INTS1: variants seen among roughly 807,000 people sequenced by gnomAD.
INTS1 encodes integrator complex subunit 1.
In INTS1, 137 loss-of-function variants were observed where a neutral mutation model predicts 241.6. The ratio of observed to expected loss-of-function variants is 0.57; its 90% CI spans 0.49 to 0.65. The LOEUF (loss-of-function observed/expected upper bound fraction) is 0.65, where lower values mean the gene tolerates loss of function less well. Among genes scored for constraint, INTS1 ranks in the 30% least tolerant of loss-of-function variants. The pLI is 0.00. For missense variants in INTS1, 3,073 were observed against 3,032.2 expected (o/e 1.01, Z -0.32); for synonymous variants, 1,692 against 1,337.8 (o/e 1.26, Z -5.78).
At chr7:1,489,011 C>T (rs1018288596) in intron 18 of INTS1, among the ~76,000 whole-genome samples, 9 of 152,148 alleles carry the variant, frequency 5.9e-5, no homozygotes, top group African/African-American at 1.9e-4. Context: ...GATTCTCTTG[C>T]CACGTCCTCC....
intron 38 of INTS1, 72 bp downstream of exon 38, chr7:1,476,157 A>G (rs1260418033): frequency 6.6e-7 from 1 of 1,526,224 alleles, no homozygotes; most frequent in Non-Finnish European, 8.8e-7. Flanking sequence ...ATGGGAACCC[A>G]CCCAGGGCTG....
chr7:1,486,979 A>AGCAGCATCGTCC lies in INTS1; in HGVS notation c.2757_2768dup (p.Asp920_Ala923dup). On this transcript the variant is annotated inframe_insertion, in exon 21 of 48. Coordinates refer to ENST00000404767, the MANE Select transcript of INTS1 (RefSeq NM_001080453.3). ...CGCCCTCGTCGTCCTCCTCCCCGGA[A>AGCAGCATCGTCC]GCAGCATCGTCCACAGCATCGTGCA... The AGCAGCATCGTCC allele has an allele frequency of 6.2e-7, 1 of 1,608,474 alleles. No individual in the cohort carries two copies. Among genetic ancestry groups the AGCAGCATCGTCC allele is most frequent in the Non-Finnish European group, 8.5e-7 (1 of 1,179,342 alleles).
intron 18 of INTS1, 101 bp from the exon 19 acceptor site, chr7:1,488,058 T>G (rs1782362428): frequency 8.5e-7 from 1 of 1,169,946 alleles, no homozygotes; most frequent in Non-Finnish European, 1.3e-6. Flanking sequence ...CTACGGCTGC[T>G]GCTGCCTCTG....
rs755416095 is a variant in INTS1, at chr7:1,480,946, G to C, written c.3851-13C>G. ...TGGGCCATGTAATCTGCAAACCGTAGCAGGGTCACACCTGGGCGCGGCCAG... is the reference window on the plus strand; with the variant it reads ...TGGGCCATGTAATCTGCAAACCGTACCAGGGTCACACCTGGGCGCGGCCAG... On this transcript the variant is annotated splice_polypyrimidine_tract_variant and intron_variant, in intron 28 of 47. Coordinates refer to ENST00000404767, the MANE Select transcript of INTS1 (RefSeq NM_001080453.3). 1.9e-6 allele frequency: 3 copies of C among 1,577,172 alleles called. No homozygotes were observed. In the South Asian group the frequency reaches 3.5e-5, roughly 18 times the overall value.
At chr7:1,480,260 G>A (rs891356533) in intron 30 of INTS1, 57 bp downstream of exon 30, 4 of 1,547,752 alleles carry the variant, frequency 2.6e-6, no homozygotes, top group Non-Finnish European at 3.5e-6. Context: ...CGGCAGCGAA[G>A]GCTGCACGCA....
At chr7:1,473,531 G>A (rs759076536) in intron 42 of INTS1, 35 bp downstream of exon 42, 3 of 1,560,980 alleles carry the variant, frequency 1.9e-6, no homozygotes, top group Admixed American at 1.9e-5. Context: ...CCTCGCCGGA[G>A]GCCCGAGGCT....
At position 1,471,277 on chromosome 7, in the gene INTS1, AG is replaced by A. The variant is rs1157522783; in HGVS notation, c.6256-54del. 93 of 1,511,150 alleles carry A rather than the reference AG, an allele frequency of 6.2e-5. 1 individual carries two copies. The Admixed American group carries it at 1.8e-3, about 29-fold the overall frequency. 93.6% of individuals were successfully genotyped at this position (1,511,150 alleles called of 1,614,324 possible). ...TGACCAAGGGGTCCAGCCCCCATCAAGGCCCCTTCACCTCTTGGTCTCGTGA... is the reference window on the plus strand; with the variant it reads ...TGACCAAGGGGTCCAGCCCCCATCAAGCCCCTTCACCTCTTGGTCTCGTGA... On this transcript the variant is annotated intron_variant, in intron 45 of 47. Transcript: ENST00000404767.
chr7:1,483,071 A>G (rs1401591010), intron 26 of INTS1: 3 of 254,804 alleles, frequency 1.2e-5, no homozygotes, highest in South Asian at 5.8e-5. Context: ...CCAGGCCCAC[A>G]CAGGGCCAGC....
At chr7:1,472,950 AG>A in intron 43 of INTS1, 121 bp downstream of exon 43, 1 of 609,102 alleles carries the variant, frequency 1.6e-6, no homozygotes, top group Non-Finnish European at 2.8e-6. Flanking sequence ...GCAAGGTCCC[AG>A]GCTCACACAG....
Position 1,473,626 on chromosome 7 carries a change from T to A in INTS1, c.5897A>T (p.Tyr1966Phe). The change falls in exon 42 of 48, where the codon TAC becomes TTC. Residue 1966 changes from tyrosine (Y) to phenylalanine (F), a missense_variant. Tyr to Phe is a conservative substitution (Grantham distance 22). Coordinates refer to ENST00000404767, the MANE Select transcript of INTS1 (RefSeq NM_001080453.3). ...GGCTGCTGGGGCATTGTAGGTAATGTACTTATGGATGAACTGCACAAACTT... is the reference window on the plus strand; with the variant it reads ...GGCTGCTGGGGCATTGTAGGTAATGAACTTATGGATGAACTGCACAAACTT... ...INKFVQFIHK[Y>F]ITYNAPAAIS... The A allele has an allele frequency of 6.2e-7, 1 of 1,613,136 alleles. No homozygotes were observed. The highest frequency in any genetic ancestry group is 8.5e-7 in the Non-Finnish European group (1 of 1,179,678).
At position 1,477,650 on chromosome 7, in the gene INTS1, G is replaced by C; in HGVS notation, c.4838C>G (p.Pro1613Arg). The change falls in exon 35 of 48, where the codon CCC becomes CGC. Residue 1613 changes from proline to arginine, a missense_variant. Transcript: ENST00000404767. ...GGSLEAVRLG[P>R]SSGLLVDWLE... ...CCAGTCCACTAGGAGGCCTGACGAG[G>C]GCCCCAGCCGCACGGCCTCCAGGCT... The C allele has an allele frequency of 6.3e-7, 1 of 1,593,306 alleles. No individual in the cohort carries two copies. The highest frequency in any genetic ancestry group is 2.3e-5 in the East Asian group (1 of 44,030).
chr7:1,499,569 C>A lies in INTS1; in HGVS notation c.748G>T (p.Val250Leu). Residue 250 changes from valine (V) to leucine (L), a missense_variant, in exon 6 of 48, where the codon GTG (valine) becomes TTG (leucine). Transcript: ENST00000404767. Reference sequence around the variant, plus strand: ...TTGAAGGCCGTCTGGATGTTGTCCACAAACGTCTTACAGTGAGGGCTGTCC... The same window carrying A: ...TTGAAGGCCGTCTGGATGTTGTCCAAAAACGTCTTACAGTGAGGGCTGTCC... ...WVDSPHCKTF[V>L]DNIQTAFNTR... The A allele has an allele frequency of 6.2e-7, 1 of 1,613,550 alleles. No homozygotes were observed. The highest frequency in any genetic ancestry group is 8.5e-7 in the Non-Finnish European group (1 of 1,179,698).
intron 1 of INTS1, 33 bp from the exon 2 acceptor site, chr7:1,504,034 A>C (rs761694930): frequency 3.5e-6 from 4 of 1,128,890 alleles, no homozygotes; most frequent in South Asian, 1.5e-5. Flanking sequence ...TCATTCCTTC[A>C]CTCATTCGCT....
chr7:1,503,168 T>C lies in INTS1; in HGVS notation c.82A>G (p.Ile28Val). The change falls in exon 3 of 48, where the codon ATT (isoleucine) becomes GTT (valine). Residue 28 changes from isoleucine (I) to valine (V), a missense_variant. Physicochemically the swap from Ile to Val is conservative, Grantham distance 29 (BLOSUM62 3). Coordinates refer to ENST00000404767, the MANE Select transcript of INTS1 (RefSeq NM_001080453.3). Reference sequence around the variant, plus strand: ...GCCTGACCCTTTGAGCCCAGAGCAATGAAGTCTCCTGGGGGAGGGTGCCCT... The same window carrying C: ...GCCTGACCCTTTGAGCCCAGAGCAACGAAGTCTCCTGGGGGAGGGTGCCCT... ...PSGHPPPGDFIALGSKGQANE... is the reference protein window; with the variant it reads ...PSGHPPPGDFVALGSKGQANE... The C allele has an allele frequency of 6.5e-7, 1 of 1,548,806 alleles. No homozygotes were observed. The highest frequency in any genetic ancestry group is 8.7e-7 in the Non-Finnish European group (1 of 1,145,652).
In INTS1 at chr7:1,478,247, C is replaced by T. The variant is rs1781822405; in HGVS notation, c.4630+119G>A. ...ATCTGGGAGGGGACCTCTGTGGGCACTTTCCGGGGACAGTGCTGAGCAGAC... is the reference window on the plus strand; with the variant it reads ...ATCTGGGAGGGGACCTCTGTGGGCATTTTCCGGGGACAGTGCTGAGCAGAC... On this transcript the variant is annotated intron_variant, in intron 33 of 47. Transcript: ENST00000404767. 1.3e-5 allele frequency: 15 copies of T among 1,198,158 alleles called. No individual in the cohort carries two copies. In the South Asian group the frequency reaches 2.2e-4, roughly 17 times the overall value. 74.2% of individuals were successfully genotyped at this position (1,198,158 alleles called of 1,614,324 possible). A position where few individuals can be genotyped will look rare whatever the true frequency, so the allele number is the denominator to read the frequency against.
At position 1,503,855 on chromosome 7, in the gene INTS1, A is replaced by G. The variant is rs773472870; in HGVS notation, c.58+48T>C. ...GCAGCTGAGATCCCCAAAGACCCCC[A>G]AAGACCCCCAAAGACCCCCGGGCTG... On this transcript the variant is annotated intron_variant, in intron 2 of 47. Coordinates refer to ENST00000404767, the MANE Select transcript of INTS1 (RefSeq NM_001080453.3). The G allele has an allele frequency of 1.2e-4, 152 of 1,320,542 alleles. 1 individual carries two copies. Among genetic ancestry groups the G allele is most frequent in the Non-Finnish European group, 1.6e-4 (149 of 952,124 alleles). 81.8% of individuals were successfully genotyped at this position (1,320,542 alleles called of 1,614,324 possible).
In INTS1 at chr7:1,481,596, G is replaced by C; in HGVS notation, c.3704-108C>G. 1 of 1,159,588 alleles carries C rather than the reference G, an allele frequency of 8.6e-7. No individual in the cohort carries two copies. The highest frequency in any genetic ancestry group is 1.9e-5 in the South Asian group (1 of 52,712). The allele number at this position is 1,159,588 out of a possible 1,614,324, so 71.8% of individuals were successfully genotyped here. A position where few individuals can be genotyped will look rare whatever the true frequency, so the allele number is the denominator to read the frequency against. Reference sequence around the variant, plus strand: ...GTGTGCAGTGACCCCACCCACCTGAGACCCTGGGCCACGTGGGCTCGGTGA... The same window carrying C: ...GTGTGCAGTGACCCCACCCACCTGACACCCTGGGCCACGTGGGCTCGGTGA... On this transcript the variant is annotated intron_variant, in intron 27 of 47. Coordinates refer to ENST00000404767, the MANE Select transcript of INTS1 (RefSeq NM_001080453.3). The surrounding 1 kb of genome is among the most constrained non-coding windows in gnomAD (Gnocchi z 6.8).
Position 1,492,978 on chromosome 7 carries a change from G to A in INTS1, c.2165+32C>T, listed in dbSNP as rs370090235. 1.7e-4 allele frequency: 259 copies of A among 1,549,824 alleles called. 1 individual carries two copies. The African/African-American group carries it at 2.1e-3, about 12-fold the overall frequency. ...TGGGGAGCGGGGCGCGGGCTTACCC[G>A]GGCGGGAGTGGGGAGCGGGGCGTGG... On this transcript the variant is annotated intron_variant, in intron 16 of 47. Transcript: ENST00000404767.
rs1021709051 is a variant in INTS1, at chr7:1,485,397, C to T, written c.3049G>A (p.Val1017Met). 5.0e-6 allele frequency: 8 copies of T among 1,612,680 alleles called. No homozygotes were observed. The African/African-American group carries it at 1.1e-4, about 22-fold the overall frequency. ...EEKEPPMEED[V>M]GDTDVLQGYQ... is the part of the protein sequence containing the mutation. ...CCCTGCAGCACATCTGTGTCCCCCA[C>T]ATCCTCCTCCATGGGGGGCTCCTTC... is the stretch of plus-strand genomic sequence containing the variant. The change falls in exon 23 of 48, where the codon GTG (valine) becomes ATG (methionine). Residue 1017 changes from valine to methionine, a missense_variant. Coordinates refer to ENST00000404767, the MANE Select transcript of INTS1 (RefSeq NM_001080453.3).
Sources: gnomAD v4.1 joint callset for allele counts (sites outside exome capture counted in the v4.1 genomes callset) on GRCh38, gnomAD v4.1.1 for gene constraint, Gnocchi (gnomAD v3.1) non-coding constraint, MANE v1.5 for transcripts, NCBI Gene and HGNC (gene_info 2026-07-23, HGNC 2026-07-21) for gene names.